FBLN1: variants seen among roughly 807,000 people sequenced by gnomAD.
FBLN1 encodes the protein fibulin 1, also known as fibulin-1.
Under a neutral mutation model 89.7 loss-of-function variants are expected in FBLN1, and 34 were observed. The ratio of observed to expected loss-of-function variants is 0.38; its 90% CI spans 0.29 to 0.50. The LOEUF (loss-of-function observed/expected upper bound fraction) is 0.50. Among genes scored for constraint, FBLN1 ranks in the 20% least tolerant of loss-of-function variants. The pLI is 0.92. For synonymous variants in FBLN1, 393 were observed against 391.3 expected, an observed-to-expected ratio of 1.00 and a Z score of -0.05; for missense variants, 777 against 988.1, an observed-to-expected ratio of 0.79 and a Z score of 2.86.
At position 45,558,003 on chromosome 22, in the gene FBLN1, C is replaced by T. The variant is rs145374583; in HGVS notation, c.1697+7388C>T. Reference sequence around the variant, plus strand: ...CAGTAGTGCTGCAGCTGTCCACTTTCGGGTGGTGCCTGCATATCGTGCAGA... The same window carrying T: ...CAGTAGTGCTGCAGCTGTCCACTTTTGGGTGGTGCCTGCATATCGTGCAGA... On this transcript the variant is annotated intron_variant, in intron 14 of 16. Coordinates refer to ENST00000327858, the MANE Select transcript of FBLN1 (RefSeq NM_006486.3). The T allele has an allele frequency of 4.7e-3, 3,346 of 712,006 alleles. 61 individuals are homozygous for T. The African/African-American group carries it at 0.051, about 11-fold the overall frequency. 44.1% of individuals were successfully genotyped at this position (712,006 alleles called of 1,614,324 possible).
At chr22:45,516,123 CGGCCAGGA>C (rs1435941861) in intron 1 of FBLN1, among the ~76,000 whole-genome samples, 2 of 152,056 alleles carry the variant, frequency 1.3e-5, no homozygotes, top group Admixed American at 1.3e-4. Flanking sequence ...GGCAGGCAGG[CGGCCAGGA>C]GAGGGTGACA....
chr22:45,596,609 A>T (rs1283295299), intron 16 of FBLN1, among the ~76,000 whole-genome samples: 1 of 148,820 alleles, frequency 6.7e-6, no homozygotes, highest in East Asian at 1.9e-4. Context: ...TGATTACTAT[A>T]TACATATATC....
intron 1 of FBLN1, among the ~76,000 whole-genome samples, chr22:45,503,672 T>C (rs1225526396): frequency 6.6e-6 from 1 of 152,112 alleles, no homozygotes; most frequent in African/African-American, 2.4e-5. Flanking sequence ...GATGCGGACC[T>C]GGCCACCTCC....
chr22:45,526,481 G>A (rs932691146), intron 3 of FBLN1, among the ~76,000 whole-genome samples: 6 of 152,236 alleles, frequency 3.9e-5, no homozygotes, highest in Non-Finnish European at 8.8e-5. Flanking sequence ...GGAGGAGCTC[G>A]GGTTTGGAAG....
At chr22:45,522,232 C>A (rs1894657) in intron 2 of FBLN1, among the ~76,000 whole-genome samples, 1 of 152,160 alleles carries the variant, frequency 6.6e-6, no homozygotes, top group East Asian at 1.9e-4. Flanking sequence ...AGTGATTGGA[C>A]GCCTCAGCCT....
chr22:45,547,342 C>A, intron 12 of FBLN1, 138 bp downstream of exon 12: 2 of 1,105,074 alleles, frequency 1.8e-6, no homozygotes, highest in Non-Finnish European at 2.6e-6. Flanking sequence ...CCATGTCCAC[C>A]CTTGGAGGCA....
chr22:45,592,309 C>T (rs2089145072), intron 16 of FBLN1, among the ~76,000 whole-genome samples: 1 of 152,134 alleles, frequency 6.6e-6, no homozygotes, highest in Admixed American at 6.6e-5. Context: ...TGAGTGCTGA[C>T]AATACTTCCA....
At chr22:45,505,216 A>C (rs945076905) in intron 1 of FBLN1, among the ~76,000 whole-genome samples, 1 of 152,226 alleles carries the variant, frequency 6.6e-6, no homozygotes, top group African/African-American at 2.4e-5. Context: ...AGGAGGTGTT[A>C]GGAAAAGACG....
At chr22:45,503,657 G>T (rs2087978758) in intron 1 of FBLN1, among the ~76,000 whole-genome samples, 2 of 152,168 alleles carry the variant, frequency 1.3e-5, no homozygotes, top group South Asian at 4.1e-4. Flanking sequence ...TGGGAGGATG[G>T]AGGGGATGCG....
At chr22:45,589,802 C>T (rs2146661692) in intron 16 of FBLN1, among the ~76,000 whole-genome samples, 1 of 152,256 alleles carries the variant, frequency 6.6e-6, no homozygotes, top group Admixed American at 6.5e-5. Flanking sequence ...CAAGCTGCCT[C>T]ATGTCTCCAC....
chr22:45,540,282 T>C (rs1459726327), intron 8 of FBLN1, among the ~76,000 whole-genome samples: 1 of 152,196 alleles, frequency 6.6e-6, no homozygotes, highest in Non-Finnish European at 1.5e-5. Flanking sequence ...GCAGTAATGA[T>C]AGTGATACCG....
chr22:45,543,567 C>T (rs972027739), intron 11 of FBLN1, 41 bp downstream of exon 11: 1 of 1,606,072 alleles, frequency 6.2e-7, no homozygotes, highest in Non-Finnish European at 8.5e-7. Context: ...CCCAGGTCAC[C>T]TTCCTCCTGG....
intron 3 of FBLN1, 124 bp downstream of exon 3, chr22:45,525,802 G>T: frequency 7.6e-7 from 1 of 1,317,014 alleles, no homozygotes; most frequent in Non-Finnish European, 1.1e-6. Context: ...TTTGTGAGCA[G>T]CTGGGGGTTC....
rs563102798 is a variant in FBLN1 at position 45,597,647 on chromosome 22, C to T, written c.1973-2660C>T. Among the ~76,000 whole-genome samples the T allele has an allele frequency of 6.6e-6, 1 of 152,280 alleles. No homozygotes were observed. Among genetic ancestry groups the T allele is most frequent in the South Asian group, 2.1e-4 (1 of 4,824 alleles). ...TGACCCCGTCATCAGGTTCTGCTGGCGAGCCCAGGGTGGTGACAGGCGCAC... is the reference window on the plus strand; with the variant it reads ...TGACCCCGTCATCAGGTTCTGCTGGTGAGCCCAGGGTGGTGACAGGCGCAC... On this transcript the variant is annotated intron_variant, in intron 16 of 16. Transcript: ENST00000327858. This position sits in a 1 kb window ranked among gnomAD's most constrained non-coding sequence, Gnocchi z 4.2.
At chr22:45,595,444 C>G (rs770820652) in intron 16 of FBLN1, among the ~76,000 whole-genome samples, 3 of 152,126 alleles carry the variant, frequency 2.0e-5, no homozygotes, top group Admixed American at 1.3e-4. Flanking sequence ...ATCCAGGCCC[C>G]GAATCTGACC....
rs1349617679 is a variant in FBLN1 at position 45,531,321 on chromosome 22, CG to C, written c.542del (p.Arg181GlnfsTer123). 6.2e-7 allele frequency: 1 copy of C among 1,613,626 alleles called. No homozygotes were observed. Among genetic ancestry groups the C allele is most frequent in the African/African-American group, 1.3e-5 (1 of 74,890 alleles). Reference sequence around the variant, plus strand: ...GGACCCATATCTGAATGACCGCTGCCGAGGTGAGACTCGGGCGTCTCCCATC... The same window carrying C: ...GGACCCATATCTGAATGACCGCTGCCAGGTGAGACTCGGGCGTCTCCCATC... ...QEDPYLNDRCRGGGPCKQQCR... is the reference protein window; with the variant it reads ...QEDPYLNDRCXGGGPCKQQCR... On this transcript the variant is annotated frameshift_variant and splice_region_variant, in exon 5 of 17. Coordinates refer to ENST00000327858, the MANE Select transcript of FBLN1 (RefSeq NM_006486.3). LOFTEE classifies it high-confidence loss of function. This position sits in a 1 kb window ranked among gnomAD's most constrained non-coding sequence, Gnocchi z 4.9.
intron 16 of FBLN1, among the ~76,000 whole-genome samples, chr22:45,593,501 G>A (rs1472219500): frequency 8.5e-5 from 13 of 152,220 alleles, no homozygotes; most frequent in Non-Finnish European, 1.9e-4. Context: ...GAGACCTGAA[G>A]CAGAAATGCC....
At chr22:45,555,812 T>C (rs764586148) in intron 14 of FBLN1, among the ~76,000 whole-genome samples, 3 of 152,192 alleles carry the variant, frequency 2.0e-5, no homozygotes, top group Non-Finnish European at 4.4e-5. Flanking sequence ...CTAACATAAC[T>C]ATACTTCATA....
At position 45,535,352 on chromosome 22, in the gene FBLN1, G is replaced by C; in HGVS notation, c.922+15G>C. 6.2e-7 allele frequency: 1 copy of C among 1,613,792 alleles called. No homozygotes were observed. Among genetic ancestry groups the C allele is most frequent in the Non-Finnish European group, 8.5e-7 (1 of 1,179,782 alleles). Reference sequence around the variant, plus strand: ...CAACTGTATTGGTAAGAGGTGTGCCGCCAGGATTAGCGGGTTATTCCAGGA... The same window carrying C: ...CAACTGTATTGGTAAGAGGTGTGCCCCCAGGATTAGCGGGTTATTCCAGGA... On this transcript the variant is annotated intron_variant, in intron 8 of 16. Coordinates refer to ENST00000327858, the MANE Select transcript of FBLN1 (RefSeq NM_006486.3).
Sources: gnomAD v4.1 joint callset for allele counts (sites outside exome capture counted in the v4.1 genomes callset) on GRCh38, gnomAD v4.1.1 for gene constraint, Gnocchi (gnomAD v3.1) non-coding constraint, MANE v1.5 for transcripts, NCBI Gene and HGNC (gene_info 2026-07-23, HGNC 2026-07-21) for gene names.